The following RAB37 variants were observed in gnomAD, a reference collection of about 807,000 sequenced individuals.
The protein encoded by RAB37 is ras-related protein Rab-37.
RAB37 carries 29 observed loss-of-function variants against 33.1 expected under a neutral mutation model. The ratio of observed to expected loss-of-function variants is 0.88; its 90% CI spans 0.65 to 1.20. The LOEUF is 1.20. RAB37 is among the 50% of genes most tolerant of loss of function. The pLI is 0.00. For synonymous variants in RAB37, 128 were observed against 119.5 expected, an observed-to-expected ratio of 1.07 and a Z score of -0.47; for missense variants, 299 against 301.1, an observed-to-expected ratio of 0.99 and a Z score of 0.05.
chr17:74,687,935 A>C (rs1249638833), intron 1 of RAB37, among the ~76,000 whole-genome samples: 1 of 152,244 alleles, frequency 6.6e-6, no homozygotes, highest in African/African-American at 2.4e-5. Flanking sequence ...GTCCTTTCTT[A>C]GGAAATACTG....
chr17:74,733,416 G>GCGTGT (rs2034416716), upstream of RAB37, among the ~76,000 whole-genome samples: 1 of 42,126 alleles, frequency 2.4e-5, no homozygotes. Context: ...GTATATTTGT[G>GCGTGT]GTGTGATTTG....
chr17:74,729,378 C>A lies in RAB37; in HGVS notation c.183+12C>A. On this transcript the variant is annotated intron_variant, in intron 2 of 7. Coordinates refer to the RAB37 transcript ENST00000340415. The surrounding 1 kb of genome is among the most constrained non-coding windows in gnomAD (Gnocchi z 4.2). ...GCATCGGATTCACGGTAAGCACTGG[C>A]CGGCACTGCCAGCTCTGGGCCTGGG... 1 of 1,594,266 alleles carries A rather than the reference C, an allele frequency of 6.3e-7. No homozygotes were observed. The highest frequency in any genetic ancestry group is 8.6e-7 in the Non-Finnish European group (1 of 1,161,840).
In RAB37 at chr17:74,745,001, C is replaced by G; in HGVS notation, c.490-7C>G. 1 of 1,614,234 alleles carries G rather than the reference C, an allele frequency of 6.2e-7. No individual in the cohort carries two copies. Among genetic ancestry groups the G allele is most frequent in the East Asian group, 2.2e-5 (1 of 44,884 alleles). On this transcript the variant is annotated splice_polypyrimidine_tract_variant and splice_region_variant and intron_variant, in intron 7 of 8. Coordinates refer to ENST00000392613, the MANE Select transcript of RAB37 (RefSeq NM_001006638.3). The surrounding 1 kb of genome is among the most constrained non-coding windows in gnomAD (Gnocchi z 4.5). Reference sequence around the variant, plus strand: ...CGCTGGCCCTGAGGACACTCTCTCCCGGGCAGGAGTACGGTGTTCCCTTCC... The same window carrying G: ...CGCTGGCCCTGAGGACACTCTCTCCGGGGCAGGAGTACGGTGTTCCCTTCC...
intron 1 of RAB37, among the ~76,000 whole-genome samples, chr17:74,700,978 C>G (rs528409947): frequency 2.0e-5 from 3 of 152,114 alleles, no homozygotes; most frequent in Non-Finnish European, 4.4e-5. Context: ...CACAGACACA[C>G]GCAGAGGGAC....
At chr17:74,704,732 C>T in intron 1 of RAB37, 1 of 1,614,200 alleles carries the variant, frequency 6.2e-7, no homozygotes, top group Non-Finnish European at 8.5e-7. Flanking sequence ...CCAGCCTGAT[C>T]TGTAAACACA....
intron 2 of RAB37, among the ~76,000 whole-genome samples, chr17:74,741,936 GA>G (rs2034628854): frequency 6.6e-6 from 1 of 152,188 alleles, no homozygotes; most frequent in Admixed American, 6.5e-5. Flanking sequence ...ACCGAAGTGG[GA>G]AAAGGGCAGG....
intron 1 of RAB37, among the ~76,000 whole-genome samples, chr17:74,691,735 C>T (rs939090196): frequency 2.0e-5 from 3 of 152,170 alleles, no homozygotes; most frequent in Non-Finnish European, 4.4e-5. Context: ...CCGTTTCTAT[C>T]CAACATAAGC....
chr17:74,708,991 G>A (rs1397269761), intron 1 of RAB37, among the ~76,000 whole-genome samples: 1 of 150,542 alleles, frequency 6.6e-6, no homozygotes, highest in Non-Finnish European at 1.5e-5. Context: ...TTGGGAGTCC[G>A]AGTCAGGCAG....
chr17:74,735,253 T>C (rs1229685993), upstream of RAB37, among the ~76,000 whole-genome samples: 1 of 151,168 alleles, frequency 6.6e-6, no homozygotes, highest in Non-Finnish European at 1.5e-5. Context: ...AAAGACCGCA[T>C]ACCAGGCCAG....
chr17:74,738,153 G>T lies in RAB37; in HGVS notation c.93+788G>T, dbSNP rs1192983991. ...CCAGAAACTGAAAGAACTGCTGAGGGAGCCTAGAGCTTCCACTCTTCCTCT... is the reference window on the plus strand; with the variant it reads ...CCAGAAACTGAAAGAACTGCTGAGGTAGCCTAGAGCTTCCACTCTTCCTCT... On this transcript the variant is annotated intron_variant, in intron 1 of 8. Coordinates refer to ENST00000392613, the MANE Select transcript of RAB37 (RefSeq NM_001006638.3). The surrounding 1 kb of genome is among the most constrained non-coding windows in gnomAD (Gnocchi z 5.0). Among the ~76,000 whole-genome samples the T allele has an allele frequency of 1.3e-5, 2 of 152,154 alleles. No homozygotes were observed. Among genetic ancestry groups the T allele is most frequent in the African/African-American group, 4.8e-5 (2 of 41,422 alleles).
chr17:74,674,350 G>A (rs1290464142), intron 1 of RAB37, among the ~76,000 whole-genome samples: 1 of 151,014 alleles, frequency 6.6e-6, no homozygotes, highest in African/African-American at 2.4e-5. Context: ...CAAAGTGCTG[G>A]CATTATATGT....
intron 1 of RAB37, among the ~76,000 whole-genome samples, chr17:74,679,045 A>T (rs2031899644): frequency 6.6e-6 from 1 of 150,780 alleles, no homozygotes; most frequent in East Asian, 2.0e-4. Flanking sequence ...CGGAAGGCTG[A>T]GGTTGCAGTG....
intron 1 of RAB37, among the ~76,000 whole-genome samples, chr17:74,719,937 A>G (rs1598303679): frequency 6.6e-6 from 1 of 152,320 alleles, no homozygotes; most frequent in African/African-American, 2.4e-5. Flanking sequence ...CTTGGCCTCT[A>G]TTGCCTCCCT....
intron 1 of RAB37, among the ~76,000 whole-genome samples, chr17:74,727,660 T>G (rs1018775955): frequency 8.5e-5 from 13 of 152,234 alleles, no homozygotes; most frequent in African/African-American, 3.1e-4. Flanking sequence ...CCATCGGTCA[T>G]GGATGCCCCT....
In RAB37 at chr17:74,742,484, G is replaced by A. The variant is rs2034642286; in HGVS notation, c.246+189G>A. 6.6e-6 allele frequency among the ~76,000 whole-genome samples: 1 copy of A among 152,130 alleles called. No individual in the cohort carries two copies. Among genetic ancestry groups the A allele is most frequent in the African/African-American group, 2.4e-5 (1 of 41,430 alleles). On this transcript the variant is annotated intron_variant, in intron 3 of 8. Transcript: ENST00000392613. The surrounding 1 kb of genome is among the most constrained non-coding windows in gnomAD (Gnocchi z 4.0). ...AGTTCCCAGGCACCCTCTCATCTATGAACAGCAGCTCCAAATGCCTTCAGA... is the reference window on the plus strand; with the variant it reads ...AGTTCCCAGGCACCCTCTCATCTATAAACAGCAGCTCCAAATGCCTTCAGA...
At chr17:74,743,388 G>T in intron 5 of RAB37, 48 bp downstream of exon 5, 1 of 1,593,428 alleles carries the variant, frequency 6.3e-7, no homozygotes, top group African/African-American at 1.3e-5. Context: ...GCCAAGGCAA[G>T]GTCTATGCAG....
At chr17:74,679,633 CAGA>C (rs780575211) in intron 1 of RAB37, among the ~76,000 whole-genome samples, 1 of 152,014 alleles carries the variant, frequency 6.6e-6, no homozygotes. Context: ...ATGCTTTTTC[CAGA>C]AGATGTTACT....
Position 74,740,936 on chromosome 17 carries a change from G to T in RAB37, c.204+58G>T. 3.0e-6 allele frequency: 4 copies of T among 1,318,894 alleles called. No homozygotes were observed. The East Asian group carries it at 9.2e-5, about 30-fold the overall frequency. The allele number at this position is 1,318,894 out of a possible 1,614,324, so 81.7% of individuals were successfully genotyped here. ...AGAGCCAGGGCTGTGGCTCAGGCAT[G>T]GGGGGGTTGCCCCCACCTTGCTCAC... On this transcript the variant is annotated intron_variant, in intron 2 of 8. Transcript: ENST00000392613.
At position 74,729,738 on chromosome 17, in the gene RAB37, C is replaced by T. The variant is rs1471821857; in HGVS notation, c.183+372C>T. 6.6e-6 allele frequency among the ~76,000 whole-genome samples: 1 copy of T among 152,182 alleles called. No individual in the cohort carries two copies. The highest frequency in any genetic ancestry group is 1.5e-5 in the Non-Finnish European group (1 of 68,036). ...CAGCCAGGAGAACAATCCCCTGTCCCACCTTGCTCTCCTCCTGCTCCCCAT... is the reference window on the plus strand; with the variant it reads ...CAGCCAGGAGAACAATCCCCTGTCCTACCTTGCTCTCCTCCTGCTCCCCAT... On this transcript the variant is annotated intron_variant, in intron 2 of 7. Transcript: ENST00000340415. This position sits in a 1 kb window ranked among gnomAD's most constrained non-coding sequence, Gnocchi z 4.2.
Sources: allele counts gnomAD v4.1 joint callset (sites outside exome capture counted in the v4.1 genomes callset), GRCh38; gene constraint gnomAD v4.1.1; non-coding constraint Gnocchi (gnomAD v3.1); transcripts MANE v1.5; gene names NCBI Gene and HGNC (gene_info 2026-07-23, HGNC 2026-07-21).